RBPJL: variants seen among roughly 807,000 people sequenced by gnomAD.
The protein encoded by RBPJL is recombination signal binding protein for immunoglobulin kappa J region like.
In RBPJL, 50 loss-of-function variants were observed where a neutral mutation model predicts 57.6. The observed-to-expected ratio is 0.87, with a 90% confidence interval of 0.69 to 1.10. RBPJL has a LOEUF of 1.10. Among genes scored for constraint, RBPJL ranks in the 50% least tolerant of loss-of-function variants. The pLI is 0.00. For missense variants in RBPJL, 684 were observed against 693.7 expected (o/e 0.99, Z 0.16); for synonymous variants, 303 against 294.4 (o/e 1.03, Z -0.30).
chr20:45,313,880 C>T lies in RBPJL; in HGVS notation c.758-155C>T, dbSNP rs562095314. Reference sequence around the variant, plus strand: ...TGAGGATGGCCTCAAATGGCCTCTCCAGAATTAGAACCTTCAGTTGGCTCC... The same window carrying T: ...TGAGGATGGCCTCAAATGGCCTCTCTAGAATTAGAACCTTCAGTTGGCTCC... On this transcript the variant is annotated intron_variant, in intron 7 of 11. Transcript: ENST00000343694. Among the ~76,000 whole-genome samples, 11 of 152,356 alleles carry T rather than the reference C, an allele frequency of 7.2e-5. No homozygotes were observed. In the South Asian group the frequency reaches 2.1e-3, roughly 29 times the overall value.
chr20:45,314,115 A>C lies in RBPJL; in HGVS notation c.838A>C (p.Thr280Pro). The change falls in exon 8 of 12, where the codon ACG becomes CCG. Residue 280 changes from threonine to proline, a missense_variant. Thr to Pro is a conservative substitution (Grantham distance 38). Transcript: ENST00000343694. The part of the protein sequence containing the change: ...RYGSLVQLVC[T>P]VTGITLPPMI... ...TGGCTCCCTGGTGCAGCTCGTCTGCACGGTCACCGGCATCACACTACCTCC... is the reference window on the plus strand; with the variant it reads ...TGGCTCCCTGGTGCAGCTCGTCTGCCCGGTCACCGGCATCACACTACCTCC... 1 of 1,614,130 alleles carries C rather than the reference A, an allele frequency of 6.2e-7. No homozygotes were observed. Among genetic ancestry groups the C allele is most frequent in the East Asian group, 2.2e-5 (1 of 44,880 alleles).
At position 45,316,044 on chromosome 20, in the gene RBPJL, C is replaced by T. The variant is rs891393318; in HGVS notation, c.1021-143C>T. The stretch of plus-strand genomic sequence containing the variant: ...AGTGAGAGAACTTAAGGGCACTGTC[C>T]AAGCTGAGGGGACAAGTGAACCCCA... On this transcript the variant is annotated intron_variant, in intron 9 of 11. Coordinates refer to ENST00000343694, the MANE Select transcript of RBPJL (RefSeq NM_014276.4). 5.4e-5 allele frequency: 37 copies of T among 687,762 alleles called. No individual in the cohort carries two copies. In the African/African-American group the frequency reaches 5.6e-4, roughly 10 times the overall value. 42.6% of individuals were successfully genotyped at this position (687,762 alleles called of 1,614,324 possible).
At chr20:45,314,706 G>A in intron 9 of RBPJL, 141 bp downstream of exon 9, 1 of 732,642 alleles carries the variant, frequency 1.4e-6, no homozygotes, top group Non-Finnish European at 2.2e-6. Context: ...AGACTCCCAG[G>A]ACAGAATCAT....
Position 45,306,873 on chromosome 20 carries a change from G to C in RBPJL, c.-50G>C. 8.0e-6 allele frequency: 10 copies of C among 1,247,408 alleles called. No homozygotes were observed. The highest frequency in any genetic ancestry group is 1.0e-5 in the Non-Finnish European group (10 of 985,526). 77.3% of individuals were successfully genotyped at this position (1,247,408 alleles called of 1,614,324 possible). On this transcript the variant is annotated 5_prime_UTR_variant, in exon 1 of 12. Coordinates refer to ENST00000343694, the MANE Select transcript of RBPJL (RefSeq NM_014276.4). ...CAGGGTTCCAGCGACAGCAGCACTG[G>C]ACTCGTCCAGAGGGCGGCGGGTGAG...
intron 6 of RBPJL, 59 bp downstream of exon 6, chr20:45,312,454 C>G (rs976535289): frequency 2.0e-5 from 31 of 1,548,942 alleles, no homozygotes; most frequent in African/African-American, 2.7e-5. Flanking sequence ...AAGCCCAGAA[C>G]GGCTAAACTG....
At position 45,309,561 on chromosome 20, in the gene RBPJL, T is replaced by C; in HGVS notation, c.132-6T>C. On this transcript the variant is annotated splice_polypyrimidine_tract_variant and splice_region_variant and intron_variant, in intron 2 of 11. Transcript: ENST00000343694. Reference sequence around the variant, plus strand: ...TGGCTGGTCGACCTGCCTGCCCTACTCCCAGGTCATCCCCAGAGCACACCA... The same window carrying C: ...TGGCTGGTCGACCTGCCTGCCCTACCCCCAGGTCATCCCCAGAGCACACCA... The C allele has an allele frequency of 6.2e-7, 1 of 1,604,496 alleles. No homozygotes were observed. Among genetic ancestry groups the C allele is most frequent in the Non-Finnish European group, 8.5e-7 (1 of 1,175,018 alleles).
In RBPJL at chr20:45,313,471, G is replaced by A. The variant is rs1987297726; in HGVS notation, c.623G>A (p.Cys208Tyr). Residue 208 changes from cysteine (C) to tyrosine (Y), a missense_variant, in exon 7 of 12, where the codon TGC becomes TAC. Physicochemically the swap from Cys to Tyr is radical, Grantham distance 194. Transcript: ENST00000343694. ...KKQSLKNTDL[C>Y]ISSGSKVSLF... ...ACCCTGACCCTCACCCTCACAGTGT[G>A]CATATCCTCCGGCTCAAAGGTCTCC... 1 of 1,610,542 alleles carries A rather than the reference G, an allele frequency of 6.2e-7. No individual in the cohort carries two copies. Among genetic ancestry groups the A allele is most frequent in the Non-Finnish European group, 8.5e-7 (1 of 1,178,630 alleles).
At chr20:45,309,855 C>G (rs1214065768) in intron 3 of RBPJL, among the ~76,000 whole-genome samples, 163 bp downstream of exon 3, 1 of 152,238 alleles carries the variant, frequency 6.6e-6, no homozygotes, top group Non-Finnish European at 1.5e-5. Flanking sequence ...TTAGCCCCCA[C>G]TTTGGTCTAT....
In RBPJL at chr20:45,309,692, G is replaced by A. The variant is rs374158575; in HGVS notation, c.257G>A (p.Arg86Gln). Residue 86 changes from arginine (R) to glutamine (Q), a missense_variant and splice_region_variant, in exon 3 of 12, where the codon CGG becomes CAG. Transcript: ENST00000343694. The stretch of plus-strand genomic sequence containing the variant: ...CAGAAATCATACGGAAATGAGAAGC[G>A]GTAGGTGCCTCCGCAGCCCCTCCCA... ...VAQKSYGNEK[R>Q]FFCPPPCVYL... is the part of the protein sequence containing the mutation. 2.0e-5 allele frequency: 32 copies of A among 1,613,272 alleles called. No individual in the cohort carries two copies. The East Asian group carries it at 4.0e-4, about 20-fold the overall frequency.
rs769806851 is a variant in RBPJL at position 45,309,603 on chromosome 20, C to T, written c.168C>T (p.Gly56=). 5.6e-6 allele frequency: 9 copies of T among 1,613,108 alleles called. No homozygotes were observed. In the African/African-American group the frequency reaches 8.0e-5, roughly 14 times the overall value. Reference sequence around the variant, plus strand: ...AGCACACCACCATTCTGAGGGGAGGCGTGCGCAGGTGCCTGCAGCAACAGT... The same window carrying T: ...AGCACACCACCATTCTGAGGGGAGGTGTGCGCAGGTGCCTGCAGCAACAGT... ...SPEHTTILRG[G]VRRCLQQQCE... The change falls in exon 3 of 12, where the codon GGC becomes GGT. Residue 56 remains glycine, a synonymous_variant. Transcript: ENST00000343694.
intron 1 of RBPJL, among the ~76,000 whole-genome samples, chr20:45,307,574 G>A (rs1434146683): frequency 2.0e-5 from 3 of 152,208 alleles, no homozygotes; most frequent in African/African-American, 7.2e-5. Context: ...CCTACCCGGA[G>A]ATGCCTCTGG....
At chr20:45,309,801 G>C in intron 3 of RBPJL, 109 bp downstream of exon 3, 1 of 1,414,378 alleles carries the variant, frequency 7.1e-7, no homozygotes, top group Non-Finnish European at 9.6e-7. Context: ...TCAGGGCTGA[G>C]ATCTCAGCTA....
rs1017931826 is a variant in RBPJL, at chr20:45,317,536, G to A, written c.*577G>A. 3 of 152,694 alleles carry A rather than the reference G, an allele frequency of 2.0e-5. No individual in the cohort carries two copies. Among genetic ancestry groups the A allele is most frequent in the Non-Finnish European group, 4.4e-5 (3 of 68,514 alleles). The allele number at this position is 152,694 out of a possible 1,614,324, so 9.5% of individuals were successfully genotyped here. ...CACCGGGTCTCTCTAAGTCTCACCTGGGGAATTCGGTCCCACCTGGGGCAC... is the reference window on the plus strand; with the variant it reads ...CACCGGGTCTCTCTAAGTCTCACCTAGGGAATTCGGTCCCACCTGGGGCAC... On this transcript the variant is annotated 3_prime_UTR_variant, in exon 12 of 12. Coordinates refer to ENST00000343694, the MANE Select transcript of RBPJL (RefSeq NM_014276.4).
chr20:45,308,031 A>G (rs2071031725), intron 1 of RBPJL, 112 bp from the exon 2 acceptor site: 2 of 691,228 alleles, frequency 2.9e-6, no homozygotes, highest in Non-Finnish European at 5.1e-6. Flanking sequence ...CTCGATTTGG[A>G]AAGGACCCTG....
chr20:45,309,424 G>A (rs1987022661), intron 2 of RBPJL, 143 bp from the exon 3 acceptor site: 1 of 789,218 alleles, frequency 1.3e-6, no homozygotes, highest in Non-Finnish European at 1.9e-6. Context: ...GACCCCACAG[G>A]GGCAGGATAT....
chr20:45,314,669 C>A, intron 9 of RBPJL, 104 bp downstream of exon 9: 1 of 1,100,534 alleles, frequency 9.1e-7, no homozygotes, highest in Non-Finnish European at 1.3e-6. Context: ...ACTTCCTGAG[C>A]AGCCTCCCAT....
At chr20:45,312,827 CAAAAAAAAAAAA>C (rs749039599) in intron 6 of RBPJL, among the ~76,000 whole-genome samples, 1 of 84,820 alleles carries the variant, frequency 1.2e-5, no homozygotes, top group African/African-American at 4.0e-5. Flanking sequence ...TTGTCTGTAC[CAAAAAAAAAAAA>C]AAAAAAAGAA....
At chr20:45,314,299 G>A in intron 8 of RBPJL, 114 bp from the exon 9 acceptor site, 1 of 1,332,192 alleles carries the variant, frequency 7.5e-7, no homozygotes. Context: ...AAAGGGCAGG[G>A]GGAATCTGCT....
chr20:45,307,341 T>G (rs1986806561), intron 1 of RBPJL, among the ~76,000 whole-genome samples: 2 of 152,118 alleles, frequency 1.3e-5, no homozygotes, highest in Admixed American at 1.3e-4. Flanking sequence ...CAGGCGACCT[T>G]CTCATCCCGG....
Sources: gnomAD v4.1 joint callset for allele counts (sites outside exome capture counted in the v4.1 genomes callset) on GRCh38, gnomAD v4.1.1 for gene constraint, MANE v1.5 for transcripts, NCBI Gene and HGNC (gene_info 2026-07-23, HGNC 2026-07-21) for gene names.